Variants in SMIM35 observed in about 807,000 individuals in gnomAD.
The protein encoded by SMIM35 is small integral membrane protein 35, also known as TMPRSS4 antisense RNA 1 (non-protein coding).
At chr11:118,049,892 T>A (rs575878706) in intron 1 of SMIM35, among the ~76,000 whole-genome samples, 1 of 151,708 alleles carries the variant, frequency 6.6e-6, no homozygotes, top group East Asian at 1.9e-4. Flanking sequence ...CCACACTAGA[T>A]GCTGAGGGAG....
chr11:118,078,182 G>A (rs59854599), intron 1 of SMIM35, among the ~76,000 whole-genome samples: 4,169 of 152,124 alleles, frequency 0.027, 144 homozygotes, highest in East Asian at 0.11. Context: ...TCGCTGTCTT[G>A]GGGCAAAGAG....
intron 1 of SMIM35, chr11:118,025,506 T>A: frequency 2.2e-6 from 1 of 455,674 alleles, no homozygotes; most frequent in Non-Finnish European, 4.4e-6. Flanking sequence ...AGATGGTATC[T>A]CACTGTGGTT....
intron 1 of SMIM35, among the ~76,000 whole-genome samples, chr11:118,078,029 A>AGG (rs1379447110): frequency 1.0e-5 from 1 of 98,098 alleles, no homozygotes; most frequent in African/African-American, 3.8e-5. Context: ...AAAAAAAAAA[A>AGG]AAAAAAAAAA....
chr11:118,031,628 C>CATTA (rs959143016), intron 1 of SMIM35, among the ~76,000 whole-genome samples: 18 of 151,960 alleles, frequency 1.2e-4, no homozygotes, highest in Admixed American at 3.3e-4. Context: ...GTCCAAAAGA[C>CATTA]ATTAATTAAT....
chr11:118,042,055 G>GA lies in SMIM35; in HGVS notation c.8-26247dup, dbSNP rs796630511. Among the ~76,000 whole-genome samples the GA allele has an allele frequency of 8.9e-3, 299 of 33,546 alleles. 1 individual carries two copies. Among genetic ancestry groups the GA allele is most frequent in the African/African-American group, 0.028 (279 of 9,826 alleles). 22.0% of individuals were successfully genotyped at this position (33,546 alleles called of 152,430 possible). ...AACAGAGTGAGACTCTGTCACAAAT[G>GA]AAAAAAAAAAAAAAGAGAGAGAGAG... On this transcript the variant is annotated intron_variant, in intron 1 of 4. Transcript: ENST00000689828.
chr11:118,080,899 C>T (rs934532761), intron 1 of SMIM35, among the ~76,000 whole-genome samples: 13 of 152,180 alleles, frequency 8.5e-5, no homozygotes, highest in South Asian at 4.1e-4. Flanking sequence ...CTCAGTAAAA[C>T]GCTTCAAGTT....
rs114646736 is a variant in SMIM35 at position 118,040,715 on chromosome 11, T to C, written c.8-24906A>G. On this transcript the variant is annotated intron_variant, in intron 1 of 4. Transcript: ENST00000689828. ...AAGTGCATATTTCTGTCCTCATAAC[T>C]GATTTAAAAAGCAATCATACAAAAT... is the stretch of plus-strand genomic sequence containing the variant. Among the ~76,000 whole-genome samples the C allele has an allele frequency of 2.6e-3, 392 of 152,196 alleles. 1 individual carries two copies. The highest frequency in any genetic ancestry group is 8.8e-3 in the African/African-American group (364 of 41,540).
At chr11:118,025,755 T>C in intron 1 of SMIM35, 1 of 453,210 alleles carries the variant, frequency 2.2e-6, no homozygotes, top group South Asian at 1.6e-5. Context: ...CTGTTTGTTC[T>C]GTTGATAGTT....
intron 4 of SMIM35, among the ~76,000 whole-genome samples, chr11:118,009,014 T>C: frequency 6.6e-6 from 1 of 152,140 alleles, no homozygotes; most frequent in African/African-American, 2.4e-5. Flanking sequence ...GAGCACAAGA[T>C]CCATGGGTCT....
intron 1 of SMIM35, among the ~76,000 whole-genome samples, chr11:118,055,307 G>A (rs1442197255): frequency 1.3e-5 from 2 of 152,050 alleles, no homozygotes; most frequent in Non-Finnish European, 2.9e-5. Flanking sequence ...CGGATTTTCT[G>A]CCAGGGTCAG....
rs1366789948 is a variant in SMIM35, at chr11:118,077,069, C to T, written c.7+9682G>A. The T allele has an allele frequency of 8.1e-6, 4 of 490,966 alleles. No homozygotes were observed. The East Asian group carries it at 1.0e-4, about 13-fold the overall frequency. 30.4% of individuals were successfully genotyped at this position (490,966 alleles called of 1,614,324 possible). On this transcript the variant is annotated intron_variant, in intron 1 of 4. Coordinates refer to ENST00000689828, the MANE Select transcript of SMIM35 (RefSeq NM_001394165.1). ...CTGTTTTAATCAAGCTGCCCAAAGT[C>T]CCCCAATCACTCCTGGAATACACAG...
intron 1 of SMIM35, among the ~76,000 whole-genome samples, chr11:118,057,117 G>A (rs189111550): frequency 1.3e-5 from 2 of 152,352 alleles, no homozygotes; most frequent in Admixed American, 1.3e-4. Flanking sequence ...GGAGATGTGG[G>A]CATAGCTACC....
intron 1 of SMIM35, among the ~76,000 whole-genome samples, chr11:118,051,184 T>C (rs1023182328): frequency 6.6e-6 from 1 of 152,206 alleles, no homozygotes; most frequent in East Asian, 1.9e-4. Flanking sequence ...CTATCCAGTT[T>C]TGTACAGACG....
intron 1 of SMIM35, among the ~76,000 whole-genome samples, chr11:118,027,238 A>G (rs954226884): frequency 2.0e-5 from 3 of 148,776 alleles, no homozygotes; most frequent in Non-Finnish European, 4.4e-5. Context: ...CTTGTTAGCC[A>G]GGATGGTCTC....
chr11:118,086,221 C>T (rs749780859), intron 1 of SMIM35, among the ~76,000 whole-genome samples: 2 of 152,194 alleles, frequency 1.3e-5, no homozygotes, highest in Non-Finnish European at 2.9e-5. Context: ...GAGCTATGCC[C>T]GAACACAAAA....
At chr11:118,049,639 G>A (rs767268326) in intron 1 of SMIM35, among the ~76,000 whole-genome samples, 68 of 151,784 alleles carry the variant, frequency 4.5e-4, no homozygotes, top group Admixed American at 6.6e-4. Context: ...ATGAGCCACC[G>A]CACCTGGCCC....
At chr11:118,076,879 G>A (rs1344543460) in intron 1 of SMIM35, 1 of 164,980 alleles carries the variant, frequency 6.1e-6, no homozygotes, top group Non-Finnish European at 1.3e-5. Flanking sequence ...CACCCAGTTG[G>A]GTGGAAGTCA....
chr11:118,045,515 G>A (rs1314824794), intron 1 of SMIM35, among the ~76,000 whole-genome samples: 9 of 152,102 alleles, frequency 5.9e-5, no homozygotes, highest in South Asian at 2.1e-4. Context: ...TTTTGCCTTA[G>A]TATTAGCTTG....
chr11:118,038,706 A>C (rs1343160233), intron 1 of SMIM35, among the ~76,000 whole-genome samples: 1 of 152,164 alleles, frequency 6.6e-6, no homozygotes, highest in Admixed American at 6.5e-5. Context: ...AAAACAAAAA[A>C]AAAAACAGGG....
Sources: allele counts gnomAD v4.1 joint callset (sites outside exome capture counted in the v4.1 genomes callset), GRCh38; gene constraint gnomAD v4.1.1; transcripts MANE v1.5; gene names NCBI Gene and HGNC (gene_info 2026-07-23, HGNC 2026-07-21).